SV2C: variants seen among roughly 807,000 people sequenced by gnomAD.
SV2C encodes the protein solute carrier family 22 member B3.
In SV2C, 49 loss-of-function variants were observed where a neutral mutation model predicts 79.7. That is an observed-to-expected ratio of 0.61 (90% CI 0.49 to 0.78). The LOEUF (loss-of-function observed/expected upper bound fraction) is 0.78. Ranked by LOEUF, SV2C falls within the 30% of genes least tolerant of loss-of-function variation. The pLI is 0.00. For missense variants in SV2C, 833 were observed against 912.9 expected (o/e 0.91, Z 1.13); for synonymous variants, 334 against 333.2 (o/e 1.00, Z -0.03).
At chr5:75,967,547 C>T in the SV2C span, among the ~76,000 whole-genome samples, 1 of 152,194 alleles carries the variant, frequency 6.6e-6, no homozygotes, top group East Asian at 1.9e-4. Context: ...CTCAGAAGGT[C>T]CTATGCCCAC....
intron 1 of SV2C, among the ~76,000 whole-genome samples, chr5:76,130,635 C>A (rs1029640036): frequency 1.3e-5 from 2 of 152,136 alleles, no homozygotes; most frequent in African/African-American, 2.4e-5. Context: ...CCAGAAGAGG[C>A]AGCTGAGTGG....
intron 12 of SV2C, among the ~76,000 whole-genome samples, chr5:76,301,900 C>A (rs1748017835): frequency 9.7e-6 from 1 of 103,008 alleles, no homozygotes; most frequent in African/African-American, 3.9e-5. Flanking sequence ...CAGAGTGAGA[C>A]ACCATCTCAA....
rs1475162058 is a variant in SV2C at position 76,333,864 on chromosome 5, T to C, written c.*8317T>C. ...ATTGTGTATACATTTATATGCCAGA[T>C]AACTAACATTCATGTAACAGCTGCA... On this transcript the variant is annotated 3_prime_UTR_variant, in exon 13 of 13. Transcript: ENST00000502798. 6.6e-6 allele frequency: 1 copy of C among 152,216 alleles called. No individual in the cohort carries two copies. Among genetic ancestry groups the C allele is most frequent in the Non-Finnish European group, 1.5e-5 (1 of 68,042 alleles). The allele number at this position is 152,216 out of a possible 1,614,324, so 9.4% of individuals were successfully genotyped here. A position where few individuals can be genotyped will look rare whatever the true frequency, so the allele number is the denominator to read the frequency against.
At chr5:76,161,810 G>A (rs1305098868) in intron 2 of SV2C, among the ~76,000 whole-genome samples, 4 of 152,154 alleles carry the variant, frequency 2.6e-5, no homozygotes, top group Non-Finnish European at 4.4e-5. Flanking sequence ...GACATGTAAG[G>A]TTGCTTGGAA....
At chr5:75,932,537 T>C in the SV2C span, among the ~76,000 whole-genome samples, 2 of 152,236 alleles carry the variant, frequency 1.3e-5, no homozygotes, top group African/African-American at 4.8e-5. Context: ...GTGATAAGCA[T>C]TATTTCTATA....
chr5:76,089,082 T>G (rs1747289802), intron 1 of SV2C, among the ~76,000 whole-genome samples: 1 of 152,164 alleles, frequency 6.6e-6, no homozygotes, highest in African/African-American at 2.4e-5. Flanking sequence ...GTAACATAGG[T>G]AAACATGTGC....
rs889739509 is a variant in SV2C at position 76,326,496 on chromosome 5, G to C, written c.*949G>C. ...TAAATTGTAAATTGCAAATTAGGAA[G>C]AAATTCACACCCAGAGCCATTTGGA... On this transcript the variant is annotated 3_prime_UTR_variant, in exon 13 of 13. Coordinates refer to ENST00000502798, the MANE Select transcript of SV2C (RefSeq NM_014979.4). The C allele has an allele frequency of 1.3e-5, 2 of 152,208 alleles. No individual in the cohort carries two copies. Among genetic ancestry groups the C allele is most frequent in the African/African-American group, 4.8e-5 (2 of 41,462 alleles). 9.4% of individuals were successfully genotyped at this position (152,208 alleles called of 1,614,324 possible).
chr5:75,924,565 T>C, the SV2C span, among the ~76,000 whole-genome samples: 2 of 152,168 alleles, frequency 1.3e-5, no homozygotes, highest in Non-Finnish European at 2.9e-5. Flanking sequence ...ATCTACATCT[T>C]ACATCTTAAC....
At chr5:76,134,622 T>C (rs1044568888) in intron 2 of SV2C, among the ~76,000 whole-genome samples, 11 of 152,200 alleles carry the variant, frequency 7.2e-5, no homozygotes, top group African/African-American at 2.7e-4. Flanking sequence ...TTTTAATTAT[T>C]TGGGAGATTG....
chr5:76,204,399 G>C (rs1311921028), intron 3 of SV2C, among the ~76,000 whole-genome samples: 4 of 152,084 alleles, frequency 2.6e-5, no homozygotes, highest in African/African-American at 9.7e-5. Flanking sequence ...GCTCTTGGTA[G>C]ACTCTGCCCT....
chr5:76,194,834 G>T, intron 2 of SV2C, 85 bp from the exon 3 acceptor site: 2 of 1,481,660 alleles, frequency 1.3e-6, no homozygotes, highest in South Asian at 1.3e-5. Flanking sequence ...ATGCTGGAAT[G>T]TATTTTGTTC....
the SV2C span, among the ~76,000 whole-genome samples, chr5:75,891,988 C>G: frequency 6.6e-6 from 1 of 152,042 alleles, no homozygotes; most frequent in Non-Finnish European, 1.5e-5. Flanking sequence ...ATCTGATCAC[C>G]TGTTTCCTAT....
chr5:76,318,453 A>G (rs966997864), intron 12 of SV2C, among the ~76,000 whole-genome samples: 1 of 152,116 alleles, frequency 6.6e-6, no homozygotes, highest in Non-Finnish European at 1.5e-5. Context: ...AGCATGAAAC[A>G]ATATAAATAA....
the SV2C span, among the ~76,000 whole-genome samples, chr5:75,959,302 A>G: frequency 6.6e-6 from 1 of 151,966 alleles, no homozygotes; most frequent in East Asian, 1.9e-4. Flanking sequence ...TGCATAAAAC[A>G]TCTTCTTTGG....
the SV2C span, among the ~76,000 whole-genome samples, chr5:75,940,327 G>A: frequency 6.6e-6 from 1 of 151,904 alleles, no homozygotes; most frequent in East Asian, 1.9e-4. Flanking sequence ...TTATGCCACT[G>A]CACTTCAGCC....
intron 2 of SV2C, among the ~76,000 whole-genome samples, chr5:76,165,348 A>G (rs994652203): frequency 2.0e-5 from 3 of 151,968 alleles, no homozygotes; most frequent in African/African-American, 4.8e-5. Context: ...TTTTACATCC[A>G]CTGTTGTTTC....
intron 1 of SV2C, among the ~76,000 whole-genome samples, chr5:76,119,633 C>T (rs898855368): frequency 5.3e-5 from 8 of 151,580 alleles, no homozygotes; most frequent in African/African-American, 1.7e-4. Context: ...ATTGAGCCAC[C>T]GACAGAAAAA....
the SV2C span, among the ~76,000 whole-genome samples, chr5:75,997,297 C>A: frequency 0.82 from 125,012 of 152,108 alleles, 51,625 homozygotes; most frequent in Middle Eastern, 0.91. Context: ...TTCATGTCTA[C>A]AACACCAAAA....
the SV2C span, among the ~76,000 whole-genome samples, chr5:75,933,935 C>T: frequency 3.9e-5 from 6 of 152,198 alleles, no homozygotes; most frequent in Non-Finnish European, 8.8e-5. Flanking sequence ...CACAGGCAGC[C>T]TGTAAAACAG....
Sources: allele counts gnomAD v4.1 joint callset (sites outside exome capture counted in the v4.1 genomes callset), GRCh38; gene constraint gnomAD v4.1.1; transcripts MANE v1.5; gene names NCBI Gene and HGNC (gene_info 2026-07-23, HGNC 2026-07-21).